RPTOR: variants seen among roughly 807,000 people sequenced by gnomAD.
RPTOR encodes regulatory-associated protein of mTOR.
A neutral mutation model predicts 169.9 loss-of-function variants in RPTOR; 21 were observed. The ratio of observed to expected loss-of-function variants is 0.12; its 90% CI spans 0.09 to 0.18. The LOEUF (loss-of-function observed/expected upper bound fraction) is 0.18. RPTOR is among the 10% of genes least tolerant of loss of function. The probability of loss-of-function intolerance (pLI) is 1.00; values close to 1 mark genes in which losing one functional copy is unlikely to be tolerated. For synonymous variants in RPTOR, 732 were observed against 753.2 expected (o/e 0.97, Z 0.46); for missense variants, 1,133 against 1,855.9 (o/e 0.61, Z 7.16).
At chr17:80,854,709 G>A (rs907334775) in intron 11 of RPTOR, among the ~76,000 whole-genome samples, 1 of 152,208 alleles carries the variant, frequency 6.6e-6, no homozygotes, top group African/African-American at 2.4e-5. Context: ...CATGGGCAAT[G>A]TAGTGAGACC....
At chr17:80,642,315 G>A (rs1005906325) in intron 2 of RPTOR, among the ~76,000 whole-genome samples, 2 of 152,064 alleles carry the variant, frequency 1.3e-5, no homozygotes, top group African/African-American at 4.8e-5. Context: ...AGAAGAGACG[G>A]AGTTTCATGT....
intron 1 of RPTOR, among the ~76,000 whole-genome samples, chr17:80,551,360 C>T (rs906389491): frequency 1.5e-4 from 23 of 152,274 alleles, no homozygotes; most frequent in Middle Eastern, 3.4e-3. Flanking sequence ...TCCCGCCAGC[C>T]TCAGAGTTCC....
At chr17:80,670,532 G>A (rs1175074249) in intron 3 of RPTOR, among the ~76,000 whole-genome samples, 1 of 152,042 alleles carries the variant, frequency 6.6e-6, no homozygotes, top group African/African-American at 2.4e-5. Context: ...GATGGCACTC[G>A]CTACCTCTCA....
At chr17:80,827,870 G>A (rs1053562954) in intron 9 of RPTOR, among the ~76,000 whole-genome samples, 9 of 152,310 alleles carry the variant, frequency 5.9e-5, no homozygotes, top group African/African-American at 1.4e-4. Flanking sequence ...AGGTACTGCC[G>A]CAAAGCTACG....
chr17:80,893,660 A>C, intron 19 of RPTOR, 47 bp from the exon 20 acceptor site: 2 of 1,567,110 alleles, frequency 1.3e-6, no homozygotes, highest in Non-Finnish European at 1.7e-6. Context: ...TAAGACCAAA[A>C]GGAGGGTCCC....
chr17:80,702,146 A>G (rs887086273), intron 3 of RPTOR, among the ~76,000 whole-genome samples: 1 of 152,180 alleles, frequency 6.6e-6, no homozygotes, highest in African/African-American at 2.4e-5. Context: ...ACCAGGTGTC[A>G]TTTTAGGACA....
At chr17:80,798,503 G>A (rs1295777868) in intron 7 of RPTOR, among the ~76,000 whole-genome samples, 4 of 152,056 alleles carry the variant, frequency 2.6e-5, no homozygotes, top group African/African-American at 9.7e-5. Flanking sequence ...AGGGGGTTTG[G>A]GAATTGTTCC....
intron 9 of RPTOR, among the ~76,000 whole-genome samples, chr17:80,831,420 C>T (rs2067502162): frequency 1.3e-5 from 2 of 152,226 alleles, no homozygotes; most frequent in Admixed American, 1.3e-4. Flanking sequence ...CATTCGAAGT[C>T]TAATTCTAAC....
At chr17:80,962,216 G>A (rs545666397) in intron 31 of RPTOR, among the ~76,000 whole-genome samples, 6 of 152,336 alleles carry the variant, frequency 3.9e-5, no homozygotes, top group African/African-American at 9.6e-5. Flanking sequence ...AGAAAGCTCC[G>A]CGCCTTTTCT....
intron 6 of RPTOR, among the ~76,000 whole-genome samples, chr17:80,779,528 G>A (rs1327709129): frequency 6.6e-6 from 1 of 152,288 alleles, no homozygotes; most frequent in Non-Finnish European, 1.5e-5. Context: ...CGTCGCGGTC[G>A]GAGTTTTCCT....
chr17:80,888,637 C>T (rs774403584), intron 17 of RPTOR, among the ~76,000 whole-genome samples: 100 of 152,222 alleles, frequency 6.6e-4, no homozygotes, highest in Non-Finnish European at 1.0e-3. Context: ...GAAAGATGTC[C>T]TTGAGTCCTG....
chr17:80,838,539 A>G lies in RPTOR; in HGVS notation c.1212+542A>G, dbSNP rs556620551. On this transcript the variant is annotated intron_variant, in intron 10 of 33. Transcript: ENST00000306801. ...CCCTAGGACCCCCTCGTGGTTTCTT[A>G]ATGAGCTTTTGCCTTACGTGAGGCG... Among the ~76,000 whole-genome samples, 9 of 152,348 alleles carry G rather than the reference A, an allele frequency of 5.9e-5. No individual in the cohort carries two copies. The East Asian group carries it at 1.2e-3, about 20-fold the overall frequency.
intron 1 of RPTOR, among the ~76,000 whole-genome samples, chr17:80,615,910 C>T (rs1335557962): frequency 6.6e-6 from 1 of 152,092 alleles, no homozygotes; most frequent in Admixed American, 6.6e-5. Flanking sequence ...ATCCACCTCC[C>T]GCGTCTATTT....
intron 6 of RPTOR, chr17:80,774,048 A>G (rs866300098): frequency 1.2e-4 from 118 of 985,174 alleles, no homozygotes; most frequent in South Asian, 5.2e-4. Context: ...CTGTTTTTCT[A>G]TTTCTTCGTT....
chr17:80,638,588 A>G (rs1400575943), intron 2 of RPTOR, among the ~76,000 whole-genome samples: 2 of 151,786 alleles, frequency 1.3e-5, no homozygotes, highest in African/African-American at 4.8e-5. Context: ...ATTATTGTAG[A>G]GACGGGGTCT....
chr17:80,633,509 G>A lies in RPTOR; in HGVS notation c.265+7716G>A, dbSNP rs998559624. ...TAGAATGTCTCCGGTGTCTCCTAATGATTCCGTTTAGGTCATGCTTCGCTG... is the reference window on the plus strand; with the variant it reads ...TAGAATGTCTCCGGTGTCTCCTAATAATTCCGTTTAGGTCATGCTTCGCTG... On this transcript the variant is annotated intron_variant, in intron 2 of 33. Coordinates refer to ENST00000306801, the MANE Select transcript of RPTOR (RefSeq NM_020761.3). This position sits in a 1 kb window ranked among gnomAD's most constrained non-coding sequence, Gnocchi z 4.1. Among the ~76,000 whole-genome samples, 11 of 152,218 alleles carry A rather than the reference G, an allele frequency of 7.2e-5. No individual in the cohort carries two copies. The highest frequency in any genetic ancestry group is 2.6e-4 in the Admixed American group (4 of 15,284).
intron 3 of RPTOR, among the ~76,000 whole-genome samples, chr17:80,693,255 G>T (rs1008518342): frequency 6.6e-6 from 1 of 152,212 alleles, no homozygotes; most frequent in Admixed American, 6.5e-5. Context: ...ATTGCCATCA[G>T]ATGCCAGCAG....
chr17:80,907,208 C>T (rs566067566), intron 20 of RPTOR, among the ~76,000 whole-genome samples: 51 of 152,382 alleles, frequency 3.3e-4, no homozygotes, highest in Non-Finnish European at 4.7e-4. Context: ...TGGAATCACA[C>T]CTCACTCGAA....
intron 6 of RPTOR, among the ~76,000 whole-genome samples, chr17:80,776,964 C>T (rs1246057509): frequency 2.6e-5 from 4 of 152,158 alleles, no homozygotes; most frequent in Non-Finnish European, 2.9e-5. Flanking sequence ...GGAGGCCGGG[C>T]GTGGTGGCTC....
Sources: gnomAD v4.1 joint callset for allele counts (sites outside exome capture counted in the v4.1 genomes callset) on GRCh38, gnomAD v4.1.1 for gene constraint, Gnocchi (gnomAD v3.1) non-coding constraint, MANE v1.5 for transcripts, NCBI Gene and HGNC (gene_info 2026-07-23, HGNC 2026-07-21) for gene names.